Variants in ACSM3 observed in about 807,000 individuals in gnomAD.
The protein encoded by ACSM3 is acyl-CoA synthetase medium chain family member 3, also known as acyl-coenzyme A synthetase ACSM3, mitochondrial.
In ACSM3, 61 loss-of-function variants were observed where a neutral mutation model predicts 74.1. The ratio of observed to expected loss-of-function variants is 0.82; its 90% CI spans 0.67 to 1.02. The LOEUF is 1.02. Among genes scored for constraint, ACSM3 ranks in the 50% least tolerant of loss-of-function variants. ACSM3 has a pLI of 0.00. For synonymous variants in ACSM3, 213 were observed against 241.5 expected (o/e 0.88, Z 1.09); for missense variants, 660 against 697.0 (o/e 0.95, Z 0.60).
rs149116399 is a variant in ACSM3, at chr16:20,694,105, T to G, written c.-190+19283T>G. 1.3e-3 allele frequency among the ~76,000 whole-genome samples: 205 copies of G among 152,370 alleles called. 1 individual carries two copies. Among genetic ancestry groups the G allele is most frequent in the African/African-American group, 4.7e-3 (197 of 41,592 alleles). On this transcript the variant is annotated intron_variant, in intron 1 of 3. Coordinates refer to the ACSM3 transcript ENST00000561584. ...TCCTCTTGCTTATTTAAAAGTGTTT[T>G]AATCTTTCTCAGCATTTCACGAGTT...
At chr16:20,747,408 A>G (rs1596496827) in intron 1 of ACSM3, among the ~76,000 whole-genome samples, 1 of 152,160 alleles carries the variant, frequency 6.6e-6, no homozygotes, top group African/African-American at 2.4e-5. Context: ...CTGCTTCTGT[A>G]AGCTGCTTAC....
chr16:20,782,944 C>T (rs552543698), intron 7 of ACSM3, among the ~76,000 whole-genome samples: 36 of 152,304 alleles, frequency 2.4e-4, no homozygotes, highest in East Asian at 5.8e-4. Context: ...ACTACCTTTC[C>T]GGCACGTGGT....
At chr16:20,723,998 G>A (rs2079795718) in intron 1 of ACSM3, among the ~76,000 whole-genome samples, 1 of 152,156 alleles carries the variant, frequency 6.6e-6, no homozygotes, top group Non-Finnish European at 1.5e-5. Flanking sequence ...TTCTTCTAGG[G>A]CTTTTATGGT....
chr16:20,692,007 T>G (rs1038106806), intron 1 of ACSM3, among the ~76,000 whole-genome samples: 3 of 152,158 alleles, frequency 2.0e-5, no homozygotes, highest in African/African-American at 4.8e-5. Context: ...TTCCTCTGCA[T>G]GTCTGCCCCT....
intron 1 of ACSM3, chr16:20,741,526 TGTC>T (rs2079923526): frequency 5.2e-6 from 6 of 1,145,076 alleles, no homozygotes; most frequent in East Asian, 6.1e-5. Context: ...GGCCCATACA[TGTC>T]GTCGCCGTAT....
intron 1 of ACSM3, chr16:20,737,742 A>G (rs775992676): frequency 1.2e-6 from 2 of 1,613,652 alleles, no homozygotes; most frequent in Admixed American, 3.3e-5. Context: ...CTCTATTCAC[A>G]TGACTGTTAT....
intron 1 of ACSM3, among the ~76,000 whole-genome samples, chr16:20,717,476 G>A (rs1197706646): frequency 1.3e-5 from 2 of 152,186 alleles, no homozygotes; most frequent in African/African-American, 4.8e-5. Flanking sequence ...TGCTACAGAT[G>A]TCGAAGATAT....
chr16:20,686,394 G>GC (rs2079554230), intron 1 of ACSM3, among the ~76,000 whole-genome samples: 1 of 151,864 alleles, frequency 6.6e-6, no homozygotes, highest in African/African-American at 2.4e-5. Flanking sequence ...CCAAACAAAT[G>GC]CCCCCAGTCA....
At chr16:20,768,820 T>C (rs1400547455) in intron 1 of ACSM3, among the ~76,000 whole-genome samples, 1 of 152,180 alleles carries the variant, frequency 6.6e-6, no homozygotes, top group Non-Finnish European at 1.5e-5. Context: ...CAGTTTTCTT[T>C]GCAGGTGAAA....
At chr16:20,727,029 A>T (rs752916120) in intron 1 of ACSM3, among the ~76,000 whole-genome samples, 3 of 152,198 alleles carry the variant, frequency 2.0e-5, no homozygotes, top group African/African-American at 7.2e-5. Flanking sequence ...CTGTTATATC[A>T]TGTGGCTTGT....
At chr16:20,788,386 T>G (rs563487905) in intron 9 of ACSM3, among the ~76,000 whole-genome samples, 1 of 152,298 alleles carries the variant, frequency 6.6e-6, no homozygotes, top group East Asian at 1.9e-4. Flanking sequence ...AACTGCAAGG[T>G]ACCCCCACCT....
intron 1 of ACSM3, among the ~76,000 whole-genome samples, chr16:20,726,216 G>A (rs2079805445): frequency 6.6e-6 from 1 of 152,208 alleles, no homozygotes; most frequent in Non-Finnish European, 1.5e-5. Context: ...GCCTTGAAGA[G>A]AAGCTAACAA....
At chr16:20,766,799 C>T (rs1024075057) in intron 1 of ACSM3, among the ~76,000 whole-genome samples, 7 of 152,062 alleles carry the variant, frequency 4.6e-5, no homozygotes, top group South Asian at 4.1e-4. Context: ...AAGATCTCTG[C>T]GCACTGGTAT....
chr16:20,795,075 T>G (rs1259251612), intron 12 of ACSM3, among the ~76,000 whole-genome samples: 1 of 152,226 alleles, frequency 6.6e-6, no homozygotes, highest in East Asian at 1.9e-4. Context: ...ACAAATGCAT[T>G]TTATAAAATG....
At chr16:20,713,764 G>A (rs35390946) in intron 1 of ACSM3, among the ~76,000 whole-genome samples, 19,793 of 152,120 alleles carry the variant, frequency 0.13, 1,356 homozygotes, top group East Asian at 0.21. Flanking sequence ...AAATTGAAAT[G>A]TGCATATTTT....
At chr16:20,744,676 G>A (rs1025885486) in intron 1 of ACSM3, among the ~76,000 whole-genome samples, 10 of 152,140 alleles carry the variant, frequency 6.6e-5, no homozygotes, top group African/African-American at 1.9e-4. Context: ...GAGCCACTGC[G>A]CCCAGCCAAA....
chr16:20,792,356 C>A, intron 12 of ACSM3, 21 bp downstream of exon 12: 1 of 1,612,678 alleles, frequency 6.2e-7, no homozygotes, highest in South Asian at 1.1e-5. Context: ...TGATTCATGT[C>A]AACTTTATAA....
At chr16:20,718,806 G>A (rs542340622) in intron 1 of ACSM3, among the ~76,000 whole-genome samples, 4 of 152,194 alleles carry the variant, frequency 2.6e-5, no homozygotes, top group South Asian at 2.1e-4. Flanking sequence ...AAGTTTTCAC[G>A]TTACCCTATT....
rs776521152 is a variant in ACSM3, at chr16:20,780,791, G to C, written c.716G>C (p.Ser239Thr). ...GCCATATTCTTTACCAGTGGAACAAGTGGATATCCGAAAATGACTGCACAC... is the reference window on the plus strand; with the variant it reads ...GCCATATTCTTTACCAGTGGAACAACTGGATATCCGAAAATGACTGCACAC... ...IMAIFFTSGT[S>T]GYPKMTAHTH... Residue 239 changes from serine to threonine, a missense_variant, in exon 5 of 14, where the codon AGT becomes ACT. Physicochemically the swap from Ser to Thr is moderately conservative, Grantham distance 58 (BLOSUM62 1). Transcript: ENST00000289416. 6 of 1,614,234 alleles carry C rather than the reference G, an allele frequency of 3.7e-6. No homozygotes were observed. The highest frequency in any genetic ancestry group is 4.2e-6 in the Non-Finnish European group (5 of 1,180,040).
Sources: gnomAD v4.1 joint callset for allele counts (sites outside exome capture counted in the v4.1 genomes callset) on GRCh38, gnomAD v4.1.1 for gene constraint, MANE v1.5 for transcripts, NCBI Gene and HGNC (gene_info 2026-07-23, HGNC 2026-07-21) for gene names.